The following ABHD6 variants were observed in gnomAD, a reference collection of about 807,000 sequenced individuals.
ABHD6 encodes the protein abhydrolase domain containing 6, acylglycerol lipase, also known as monoacylglycerol lipase ABHD6.
In ABHD6, 33 loss-of-function variants were observed where a neutral mutation model predicts 38.8. The ratio of observed to expected loss-of-function variants is 0.85; its 90% CI spans 0.64 to 1.14. The LOEUF (loss-of-function observed/expected upper bound fraction) is 1.14. Among genes scored for constraint, ABHD6 ranks in the 50% most tolerant of loss-of-function variants. ABHD6 has a pLI of 0.00. For synonymous variants in ABHD6, 147 were observed against 161.6 expected, an observed-to-expected ratio of 0.91 and a Z score of 0.69; for missense variants, 380 against 422.6, an observed-to-expected ratio of 0.90 and a Z score of 0.88.
rs887301922 is a variant in ABHD6, at chr3:58,265,040, C to T, written c.120-2149C>T. Among the ~76,000 whole-genome samples, 1 of 152,180 alleles carries T rather than the reference C, an allele frequency of 6.6e-6. No homozygotes were observed. The highest frequency in any genetic ancestry group is 1.5e-5 in the Non-Finnish European group (1 of 68,026). On this transcript the variant is annotated intron_variant, in intron 3 of 9. Coordinates refer to ENST00000478253, the MANE Select transcript of ABHD6 (RefSeq NM_001320126.2). The surrounding 1 kb of genome is among the most constrained non-coding windows in gnomAD (Gnocchi z 4.2). Reference sequence around the variant, plus strand: ...CCCATTAACCATCCCCACTTCTCCCCTACCCCCAGCTACTCATCTCAGCCT... The same window carrying T: ...CCCATTAACCATCCCCACTTCTCCCTTACCCCCAGCTACTCATCTCAGCCT...
At position 58,286,820 on chromosome 3, in the gene ABHD6, A is replaced by G. The variant is rs2097457302; in HGVS notation, c.837+1367A>G. On this transcript the variant is annotated intron_variant, in intron 9 of 9. Transcript: ENST00000478253. ...GTGCATATAAGATATATAAGATCAT[A>G]TATGTGTGTGTGTGTGTGTGTGTGT... Among the ~76,000 whole-genome samples, 3 of 68,364 alleles carry G rather than the reference A, an allele frequency of 4.4e-5. No individual in the cohort carries two copies. The South Asian group carries it at 1.6e-3, about 37-fold the overall frequency. 44.8% of individuals were successfully genotyped at this position (68,364 alleles called of 152,430 possible).
intron 2 of ABHD6, among the ~76,000 whole-genome samples, chr3:58,250,641 A>C (rs1388193891): frequency 6.6e-6 from 1 of 152,042 alleles, no homozygotes; most frequent in Non-Finnish European, 1.5e-5. Context: ...AAAGTCCTAC[A>C]CCTGGTGAAA....
intron 3 of ABHD6, among the ~76,000 whole-genome samples, chr3:58,260,386 A>T (rs960344375): frequency 6.6e-6 from 1 of 152,068 alleles, no homozygotes; most frequent in African/African-American, 2.4e-5. Flanking sequence ...ATCCTAGAAA[A>T]CCTTTCAGAT....
At chr3:58,254,951 C>T (rs2097432331) in intron 2 of ABHD6, among the ~76,000 whole-genome samples, 1 of 152,020 alleles carries the variant, frequency 6.6e-6, no homozygotes, top group Admixed American at 6.6e-5. Context: ...TGCCTGGCCT[C>T]AAGTGATCCT....
rs1183004461 is a variant in ABHD6, at chr3:58,267,212, T to C, written c.143T>C (p.Met48Thr). Reference sequence around the variant, plus strand: ...AGGTACTGGCGGAGGACATTGGGCATGCAAGTCCGCTATGTTCACCATGAA... The same window carrying C: ...AGGTACTGGCGGAGGACATTGGGCACGCAAGTCCGCTATGTTCACCATGAA... ...YYWYWRRTLG[M>T]QVRYVHHEDY... Residue 48 changes from methionine (M) to threonine (T), a missense_variant, in exon 4 of 10, where the codon ATG (methionine) becomes ACG (threonine). Transcript: ENST00000478253. The surrounding 1 kb of genome is among the most constrained non-coding windows in gnomAD (Gnocchi z 4.3). The C allele has an allele frequency of 6.2e-7, 1 of 1,614,194 alleles. No individual in the cohort carries two copies. Among genetic ancestry groups the C allele is most frequent in the Non-Finnish European group, 8.5e-7 (1 of 1,180,012 alleles).
At position 58,263,650 on chromosome 3, in the gene ABHD6, T is replaced by A. The variant is rs1314777768; in HGVS notation, c.120-3539T>A. ...TGCTGTCTCTACCTCCTGGCACACC[T>A]TCTCCAGCTTCCAGCTGATGTATGT... On this transcript the variant is annotated intron_variant, in intron 3 of 9. Coordinates refer to ENST00000478253, the MANE Select transcript of ABHD6 (RefSeq NM_001320126.2). This position sits in a 1 kb window ranked among gnomAD's most constrained non-coding sequence, Gnocchi z 4.9. 6.6e-6 allele frequency among the ~76,000 whole-genome samples: 1 copy of A among 152,220 alleles called. No individual in the cohort carries two copies. The highest frequency in any genetic ancestry group is 1.5e-5 in the Non-Finnish European group (1 of 68,042).
chr3:58,255,865 G>A (rs1160781695), intron 2 of ABHD6, among the ~76,000 whole-genome samples: 2 of 150,844 alleles, frequency 1.3e-5, no homozygotes, highest in Non-Finnish European at 1.5e-5. Flanking sequence ...GGCTAGTCTC[G>A]AACTCCTGAC....
At position 58,248,623 on chromosome 3, in the gene ABHD6, G is replaced by A. The variant is rs529786339; in HGVS notation, c.-90-1255G>A. On this transcript the variant is annotated intron_variant, in intron 1 of 9. Transcript: ENST00000478253. ...TGAGGCAGGAGAATCGCTTGAACCCGGGAGGCGGAGGTTGCGGTGAGCTGA... is the reference window on the plus strand; with the variant it reads ...TGAGGCAGGAGAATCGCTTGAACCCAGGAGGCGGAGGTTGCGGTGAGCTGA... 1.3e-4 allele frequency among the ~76,000 whole-genome samples: 20 copies of A among 152,284 alleles called. No homozygotes were observed. In the South Asian group the frequency reaches 4.1e-3, roughly 32 times the overall value.
rs1432934003 is a variant in ABHD6, at chr3:58,294,435, T to G, written c.*670T>G. 1 of 152,652 alleles carries G rather than the reference T, an allele frequency of 6.6e-6. No homozygotes were observed. Among genetic ancestry groups the G allele is most frequent in the African/African-American group, 2.4e-5 (1 of 41,452 alleles). 9.5% of individuals were successfully genotyped at this position (152,652 alleles called of 1,614,324 possible). ...GAGTGAACCCACAGCAGTCGCAGAA[T>G]GAGCACCTGGCAGGGTGGGTTTCCT... On this transcript the variant is annotated 3_prime_UTR_variant, in exon 10 of 10. Transcript: ENST00000478253.
chr3:58,246,760 T>A (rs1366286166), intron 1 of ABHD6, among the ~76,000 whole-genome samples: 1 of 152,232 alleles, frequency 6.6e-6, no homozygotes, highest in Non-Finnish European at 1.5e-5. Flanking sequence ...GATAGAACAA[T>A]AAGAACGTTT....
At chr3:58,271,465 A>G (rs2097444815) in intron 6 of ABHD6, among the ~76,000 whole-genome samples, 1 of 152,196 alleles carries the variant, frequency 6.6e-6, no homozygotes, top group Non-Finnish European at 1.5e-5. Context: ...AGCTCTTTAT[A>G]TGAATTTAAT....
chr3:58,287,317 A>G lies in ABHD6; in HGVS notation c.837+1864A>G, dbSNP rs2097458220. Among the ~76,000 whole-genome samples, 1 of 152,130 alleles carries G rather than the reference A, an allele frequency of 6.6e-6. No individual in the cohort carries two copies. The highest frequency in any genetic ancestry group is 1.5e-5 in the Non-Finnish European group (1 of 68,032). The stretch of plus-strand genomic sequence containing the variant: ...AAAAATAAAAAAGAATACAGAGTAT[A>G]CCTGCATACCCTTTACCTAAATGCA... On this transcript the variant is annotated intron_variant, in intron 9 of 9. Coordinates refer to ENST00000478253, the MANE Select transcript of ABHD6 (RefSeq NM_001320126.2). This position sits in a 1 kb window ranked among gnomAD's most constrained non-coding sequence, Gnocchi z 4.7.
chr3:58,293,918 C>T lies in ABHD6; in HGVS notation c.*153C>T. 2.5e-6 allele frequency: 2 copies of T among 803,434 alleles called. No individual in the cohort carries two copies. Among genetic ancestry groups the T allele is most frequent in the Non-Finnish European group, 3.7e-6 (2 of 537,952 alleles). 49.8% of individuals were successfully genotyped at this position (803,434 alleles called of 1,614,324 possible). A position where few individuals can be genotyped will look rare whatever the true frequency, so the allele number is the denominator to read the frequency against. On this transcript the variant is annotated 3_prime_UTR_variant, in exon 10 of 10. Coordinates refer to ENST00000478253, the MANE Select transcript of ABHD6 (RefSeq NM_001320126.2). The surrounding 1 kb of genome is among the most constrained non-coding windows in gnomAD (Gnocchi z 4.4). ...CCCTTATCCCTGGTATCCACGGTTC[C>T]CCAGAGCTTTGGGGACCACGCGAAA... is the stretch of plus-strand genomic sequence containing the variant.
intron 9 of ABHD6, among the ~76,000 whole-genome samples, chr3:58,289,941 G>A (rs1209782360): frequency 7.2e-4 from 102 of 141,262 alleles, no homozygotes; most frequent in Non-Finnish European, 1.3e-3. Context: ...AGGGGCGGCC[G>A]GGCAGAGGCG....
chr3:58,291,965 G>T (rs1032938896), intron 9 of ABHD6, among the ~76,000 whole-genome samples: 7 of 150,624 alleles, frequency 4.6e-5, no homozygotes, highest in African/African-American at 1.5e-4. Flanking sequence ...AACAAAAAAA[G>T]ACACTCAGTT....
rs1472819960 is a variant in ABHD6, at chr3:58,294,477, T to A, written c.*712T>A. The stretch of plus-strand genomic sequence containing the variant: ...GGGTTTCCTAGGAATAATTTATTAT[T>A]TTTAAAAATAGGCCTAATAAAGCAA... On this transcript the variant is annotated 3_prime_UTR_variant, in exon 10 of 10. Coordinates refer to ENST00000478253, the MANE Select transcript of ABHD6 (RefSeq NM_001320126.2). 1.3e-5 allele frequency: 2 copies of A among 152,634 alleles called. No individual in the cohort carries two copies. Among genetic ancestry groups the A allele is most frequent in the Admixed American group, 1.3e-4 (2 of 15,282 alleles). The allele number at this position is 152,634 out of a possible 1,614,324, so 9.5% of individuals were successfully genotyped here.
intron 9 of ABHD6, among the ~76,000 whole-genome samples, chr3:58,289,973 C>T (rs2097460644): frequency 2.1e-5 from 3 of 141,762 alleles, no homozygotes; most frequent in Non-Finnish European, 4.6e-5. Flanking sequence ...CCGGACGAGG[C>T]GGCTGGCCGG....
At chr3:58,284,313 T>G (rs925094199) in intron 7 of ABHD6, among the ~76,000 whole-genome samples, 8 of 152,124 alleles carry the variant, frequency 5.3e-5, no homozygotes, top group Non-Finnish European at 1.2e-4. Context: ...TGTGGAACCC[T>G]CCCCAGAATC....
intron 1 of ABHD6, among the ~76,000 whole-genome samples, chr3:58,243,095 C>T (rs1015558311): frequency 1.3e-5 from 2 of 152,230 alleles, no homozygotes; most frequent in African/African-American, 4.8e-5. Flanking sequence ...TGTATATGTG[C>T]CACATTTTCT....
Sources: allele counts gnomAD v4.1 joint callset (sites outside exome capture counted in the v4.1 genomes callset), GRCh38; gene constraint gnomAD v4.1.1; non-coding constraint Gnocchi (gnomAD v3.1); transcripts MANE v1.5; gene names NCBI Gene and HGNC (gene_info 2026-07-23, HGNC 2026-07-21).